Variants in C1GALT1 observed in about 807,000 individuals in gnomAD.
C1GALT1 encodes glycoprotein-N-acetylgalactosamine 3-beta-galactosyltransferase 1.
Under a neutral mutation model 31.0 loss-of-function variants are expected in C1GALT1, and 11 were observed. The observed-to-expected ratio is 0.36, with a 90% CI of 0.22 to 0.59. The LOEUF (loss-of-function observed/expected upper bound fraction) is 0.59, where lower values mean the gene tolerates loss of function less well. C1GALT1 is among the 20% of genes least tolerant of loss of function. C1GALT1 has a pLI of 0.79. For synonymous variants in C1GALT1, 175 were observed against 143.6 expected (o/e 1.22, Z -1.56); for missense variants, 424 against 425.2 (o/e 1.00, Z 0.03).
chr7:7,187,065 A>G (rs10246843), intron 1 of C1GALT1, among the ~76,000 whole-genome samples: 3,038 of 152,302 alleles, frequency 0.02, 100 homozygotes, highest in African/African-American at 0.069. Flanking sequence ...ATGTTGTTGG[A>G]GTAGTTAAAA....
chr7:7,225,498 C>A (rs547092227), intron 1 of C1GALT1, among the ~76,000 whole-genome samples: 18 of 152,268 alleles, frequency 1.2e-4, no homozygotes, highest in African/African-American at 3.6e-4. Context: ...TACAAATATT[C>A]CCTAAAATTA....
At chr7:7,192,087 T>G (rs183656143) in intron 1 of C1GALT1, among the ~76,000 whole-genome samples, 116 of 152,258 alleles carry the variant, frequency 7.6e-4, no homozygotes, top group African/African-American at 2.7e-3. Flanking sequence ...TCTAAGAATT[T>G]TATAGTTTTA....
intron 2 of C1GALT1, among the ~76,000 whole-genome samples, chr7:7,169,542 G>GTT (rs200410686): frequency 7.5e-5 from 11 of 146,470 alleles, no homozygotes; most frequent in South Asian, 2.2e-4. Flanking sequence ...TGGATATTTT[G>GTT]TTTTTTTTTT....
At chr7:7,226,643 C>G (rs1475400694) in intron 1 of C1GALT1, among the ~76,000 whole-genome samples, 1 of 152,060 alleles carries the variant, frequency 6.6e-6, no homozygotes, top group Non-Finnish European at 1.5e-5. Flanking sequence ...AGCAGACATT[C>G]TGAAGCCTGC....
At chr7:7,190,374 T>G (rs112742639) in intron 1 of C1GALT1, among the ~76,000 whole-genome samples, 4,996 of 152,128 alleles carry the variant, frequency 0.033, 185 homozygotes, top group African/African-American at 0.091. Flanking sequence ...AAGCTCTGAG[T>G]TGCAAAGTGA....
rs1177411793 is a variant in C1GALT1, at chr7:7,247,586, A to T, written c.*3859A>T. The T allele has an allele frequency of 1.3e-5, 2 of 152,110 alleles. No homozygotes were observed. The highest frequency in any genetic ancestry group is 2.4e-5 in the African/African-American group (1 of 41,444). The allele number at this position is 152,110 out of a possible 1,614,324, so 9.4% of individuals were successfully genotyped here. A position where few individuals can be genotyped will look rare whatever the true frequency, so the allele number is the denominator to read the frequency against. On this transcript the variant is annotated 3_prime_UTR_variant, in exon 4 of 4. Transcript: ENST00000436587. ...AATTTTTCACTTCTTTGAGACTGTC[A>T]AACTATAGTTACTACCAGGTTGATG...
chr7:7,182,697 G>A lies in C1GALT1; in HGVS notation c.-141G>A. 1.6e-6 allele frequency: 1 copy of A among 619,350 alleles called. No individual in the cohort carries two copies. Among genetic ancestry groups the A allele is most frequent in the Non-Finnish European group, 2.0e-6 (1 of 495,344 alleles). The allele number at this position is 619,350 out of a possible 1,614,324, so 38.4% of individuals were successfully genotyped here. ...CGGGGAATAATCTGGGCGGCAGCGG[G>A]CGGCCTCGGCTAGCGGCCACGAGCC... is the stretch of plus-strand genomic sequence containing the variant. On this transcript the variant is annotated 5_prime_UTR_variant, in exon 1 of 4. Coordinates refer to ENST00000436587, the MANE Select transcript of C1GALT1 (RefSeq NM_020156.5).
Position 7,209,094 on chromosome 7 carries a change from T to C in C1GALT1, c.-17-25209T>C, listed in dbSNP as rs1425384230. On this transcript the variant is annotated intron_variant, in intron 1 of 3. Transcript: ENST00000436587. The stretch of plus-strand genomic sequence containing the variant: ...TGGATTCTTCGTATCTCACAACACA[T>C]CTTGTCTTTCCATTTACTCGTTTTA... Among the ~76,000 whole-genome samples the C allele has an allele frequency of 2.6e-5, 4 of 152,236 alleles. 1 individual carries two copies. Among genetic ancestry groups the C allele is most frequent in the Non-Finnish European group, 5.9e-5 (4 of 68,032 alleles).
chr7:7,201,193 T>C (rs868109784), intron 1 of C1GALT1, among the ~76,000 whole-genome samples: 1 of 152,226 alleles, frequency 6.6e-6, no homozygotes. Context: ...GGTGTGGATG[T>C]CCTTTCTGTT....
chr7:7,233,327 A>T (rs542598719), intron 1 of C1GALT1, among the ~76,000 whole-genome samples: 1 of 151,836 alleles, frequency 6.6e-6, no homozygotes, highest in South Asian at 2.1e-4. Context: ...TGAGTGGTGC[A>T]GTCTTGGCAC....
intron 1 of C1GALT1, among the ~76,000 whole-genome samples, chr7:7,208,005 A>G (rs1340967399): frequency 1.3e-5 from 2 of 152,220 alleles, no homozygotes; most frequent in East Asian, 1.9e-4. Context: ...TAAACAGTTC[A>G]TAAGTTTTAA....
chr7:7,163,074 A>T (rs1195098805), intron 2 of C1GALT1, among the ~76,000 whole-genome samples: 1 of 151,948 alleles, frequency 6.6e-6, no homozygotes, highest in African/African-American at 2.4e-5. Context: ...TTGCCTGTTC[A>T]CTCTGATGAT....
At chr7:7,170,110 GA>G (rs1389821496) in intron 2 of C1GALT1, among the ~76,000 whole-genome samples, 2 of 152,148 alleles carry the variant, frequency 1.3e-5, no homozygotes, top group Non-Finnish European at 2.9e-5. Flanking sequence ...ATTTCATCTA[GA>G]TTATCCAGAG....
upstream of C1GALT1, among the ~76,000 whole-genome samples, chr7:7,181,689 A>C (rs577390958): frequency 6.6e-6 from 1 of 152,210 alleles, no homozygotes; most frequent in Non-Finnish European, 1.5e-5. Flanking sequence ...TTCAGAGCCC[A>C]TACTCTTTAA....
rs554479893 is a variant in C1GALT1 at position 7,216,544 on chromosome 7, G to A, written c.-17-17759G>A. Among the ~76,000 whole-genome samples the A allele has an allele frequency of 5.1e-4, 77 of 152,146 alleles. 2 individuals carry two copies. The South Asian group carries it at 8.3e-3, about 16-fold the overall frequency. On this transcript the variant is annotated intron_variant, in intron 1 of 3. Transcript: ENST00000436587. ...GAGAGGCTGTCACCTTTCGGGCAAG[G>A]CTCCTTTAACGGAGGCAATGTGCTA...
intron 1 of C1GALT1, among the ~76,000 whole-genome samples, chr7:7,212,017 C>T (rs1782029161): frequency 6.6e-6 from 1 of 152,146 alleles, no homozygotes; most frequent in Non-Finnish European, 1.5e-5. Context: ...TTATACTTGG[C>T]CTGATTATTT....
chr7:7,226,033 A>T (rs543785033), intron 1 of C1GALT1, among the ~76,000 whole-genome samples: 3 of 152,138 alleles, frequency 2.0e-5, no homozygotes, highest in Non-Finnish European at 4.4e-5. Context: ...AACCTGTCTC[A>T]TACTCAGTTT....
chr7:7,203,092 G>GTT (rs35048292), intron 1 of C1GALT1, among the ~76,000 whole-genome samples: 13,359 of 137,582 alleles, frequency 0.097, 847 homozygotes, highest in East Asian at 0.17. Context: ...GTTCTAACAG[G>GTT]TTTTTTTTTT....
At chr7:7,158,651 G>C (rs549142229) in intron 2 of C1GALT1, among the ~76,000 whole-genome samples, 1 of 150,550 alleles carries the variant, frequency 6.6e-6, no homozygotes, top group Non-Finnish European at 1.5e-5. Context: ...ATTTATATAT[G>C]TATGCATGTA....
Sources: allele counts gnomAD v4.1 joint callset (sites outside exome capture counted in the v4.1 genomes callset), GRCh38; gene constraint gnomAD v4.1.1; transcripts MANE v1.5; gene names NCBI Gene and HGNC (gene_info 2026-07-23, HGNC 2026-07-21).